The following ERC1 variants were observed in gnomAD, a reference collection of about 807,000 sequenced individuals.
ERC1 encodes RAB6 interacting protein 2.
A neutral mutation model predicts 132.0 loss-of-function variants in ERC1; 56 were observed. That is an observed-to-expected ratio of 0.42 (90% CI 0.34 to 0.53). The LOEUF is 0.53. ERC1 is among the 20% of genes least tolerant of loss of function. ERC1 has a pLI of 0.03. For missense variants in ERC1, 1,202 were observed against 1,349.9 expected (o/e 0.89, Z 1.72); for synonymous variants, 478 against 476.1 (o/e 1.00, Z -0.05).
At chr12:1,196,820 CTCTCTCTCTCTG>C (rs1421594771) in intron 12 of ERC1, among the ~76,000 whole-genome samples, 1 of 121,616 alleles carries the variant, frequency 8.2e-6, no homozygotes, top group Admixed American at 8.1e-5. Context: ...CTCTCTCTCT[CTCTCTCTCTCTG>C]TCTGTCTCTC....
chr12:1,458,114 C>T (rs1384252759), intron 18 of ERC1, among the ~76,000 whole-genome samples: 1 of 152,112 alleles, frequency 6.6e-6, no homozygotes, highest in Non-Finnish European at 1.5e-5. Flanking sequence ...TTTGGCAGGA[C>T]CATGGATTCT....
intron 1 of ERC1, among the ~76,000 whole-genome samples, chr12:1,015,046 G>A (rs1338903074): frequency 6.7e-6 from 1 of 149,688 alleles, no homozygotes; most frequent in Non-Finnish European, 1.5e-5. Flanking sequence ...TTACAGGCAT[G>A]ACCTACTGTG....
At position 1,408,159 on chromosome 12, in the gene ERC1, G is replaced by A. The variant is rs770065742; in HGVS notation, c.2936G>A (p.Arg979Gln). The A allele has an allele frequency of 4.3e-6, 7 of 1,613,276 alleles. No homozygotes were observed. The highest frequency in any genetic ancestry group is 1.1e-5 in the South Asian group (1 of 91,022). The change falls in exon 17 of 19, where the codon CGA becomes CAA. Residue 979 changes from arginine (R) to glutamine (Q), a missense_variant. Arg to Gln is a conservative substitution (Grantham distance 43). Coordinates refer to ENST00000360905, the MANE Select transcript of ERC1 (RefSeq NM_178040.4). ...VQQLKQQTQN[R>Q]MKLMADNYED... is the part of the protein sequence containing the mutation. Reference sequence around the variant, plus strand: ...ATAATTTCTTCCTAGACGCAAAATCGAATGAAGCTAATGGCCGACAACTAC... The same window carrying A: ...ATAATTTCTTCCTAGACGCAAAATCAAATGAAGCTAATGGCCGACAACTAC...
intron 11 of ERC1, among the ~76,000 whole-genome samples, chr12:1,187,936 A>G (rs1955291047): frequency 6.6e-6 from 1 of 152,164 alleles, no homozygotes; most frequent in Non-Finnish European, 1.5e-5. Flanking sequence ...GGTCAAGGTC[A>G]TGGAGAACCT....
intron 2 of ERC1, among the ~76,000 whole-genome samples, chr12:1,082,263 T>A (rs1394775703): frequency 6.6e-6 from 1 of 151,812 alleles, no homozygotes; most frequent in East Asian, 2.0e-4. Context: ...CCTGACCTCG[T>A]GATGTGCCCG....
intron 16 of ERC1, among the ~76,000 whole-genome samples, chr12:1,394,015 C>CAAAAAAAAAAAAAAA (rs1216337061): frequency 3.0e-4 from 8 of 26,904 alleles, no homozygotes; most frequent in African/African-American, 5.3e-4. Context: ...GACTCCGTCT[C>CAAAAAAAAAAAAAAA]AAAAAAAAAA....
chr12:1,004,641 G>A (rs369129048), intron 1 of ERC1, among the ~76,000 whole-genome samples: 1 of 151,448 alleles, frequency 6.6e-6, no homozygotes, highest in East Asian at 1.9e-4. Flanking sequence ...TCCTGACCTT[G>A]TGATCCAACC....
chr12:1,264,628 C>T (rs2077363728), intron 14 of ERC1, among the ~76,000 whole-genome samples: 1 of 151,948 alleles, frequency 6.6e-6, no homozygotes, highest in African/African-American at 2.4e-5. Context: ...CGCACCACTG[C>T]ACTCCAGCCT....
At chr12:1,421,221 C>G (rs1371748947) in intron 17 of ERC1, among the ~76,000 whole-genome samples, 3 of 152,214 alleles carry the variant, frequency 2.0e-5, no homozygotes, top group Non-Finnish European at 2.9e-5. Flanking sequence ...TTCCTCCCAT[C>G]TACCTGTGCT....
chr12:1,229,445 A>G (rs960560499), intron 12 of ERC1, among the ~76,000 whole-genome samples: 6 of 152,160 alleles, frequency 3.9e-5, no homozygotes, highest in African/African-American at 1.4e-4. Context: ...ATGAACTATG[A>G]TGGTGTCACT....
intron 12 of ERC1, among the ~76,000 whole-genome samples, chr12:1,222,165 A>G (rs1395130660): frequency 3.9e-5 from 6 of 152,008 alleles, no homozygotes; most frequent in East Asian, 3.9e-4. Context: ...GATGCAGTCT[A>G]TTATTGACCA....
Position 998,802 on chromosome 12 carries a change from C to A in ERC1, c.-157+7480C>A, listed in dbSNP as rs1414820763. Among the ~76,000 whole-genome samples the A allele has an allele frequency of 2.6e-5, 4 of 151,176 alleles. No homozygotes were observed. The East Asian group carries it at 5.8e-4, about 22-fold the overall frequency. ...AAGCTCTCTCTTCTCTTGAGGTCTT[C>A]AGAGCACTTTTCTGTTTTTCTTGCT... On this transcript the variant is annotated intron_variant, in intron 1 of 18. Coordinates refer to ENST00000360905, the MANE Select transcript of ERC1 (RefSeq NM_178040.4).
chr12:1,379,708 G>A (rs1458825166), intron 16 of ERC1, among the ~76,000 whole-genome samples: 2 of 151,914 alleles, frequency 1.3e-5, no homozygotes, highest in Admixed American at 1.3e-4. Flanking sequence ...GGGTTACTTA[G>A]GACACGAGAG....
At chr12:1,147,166 T>A (rs1037208971) in intron 8 of ERC1, among the ~76,000 whole-genome samples, 19 of 152,310 alleles carry the variant, frequency 1.2e-4, no homozygotes, top group African/African-American at 4.1e-4. Flanking sequence ...GTCTGTTGAA[T>A]AGAAGTGGTG....
intron 12 of ERC1, among the ~76,000 whole-genome samples, chr12:1,202,752 T>G (rs931343680): frequency 1.3e-5 from 2 of 152,156 alleles, no homozygotes; most frequent in Admixed American, 6.6e-5. Context: ...TTAAAGTTGC[T>G]CTCTGGCAGG....
At chr12:1,255,829 C>T (rs1419197909) in intron 13 of ERC1, among the ~76,000 whole-genome samples, 8 of 150,800 alleles carry the variant, frequency 5.3e-5, no homozygotes, top group African/African-American at 1.2e-4. Flanking sequence ...TTAGTAGAGA[C>T]GGGGTTTCAC....
At chr12:1,166,128 G>A (rs567662765) in intron 8 of ERC1, among the ~76,000 whole-genome samples, 1 of 152,270 alleles carries the variant, frequency 6.6e-6, no homozygotes, top group East Asian at 1.9e-4. Context: ...AAATGATGTG[G>A]TTTGGCTGTG....
At chr12:1,064,056 T>G (rs1004659665) in intron 2 of ERC1, among the ~76,000 whole-genome samples, 5 of 152,152 alleles carry the variant, frequency 3.3e-5, no homozygotes, top group African/African-American at 1.2e-4. Flanking sequence ...GGTATAGTAT[T>G]CTTGGCTAAC....
chr12:1,284,083 TA>T (rs2078876578), intron 14 of ERC1, among the ~76,000 whole-genome samples: 1 of 152,294 alleles, frequency 6.6e-6, no homozygotes, highest in African/African-American at 2.4e-5. Context: ...CAGCCTCTGG[TA>T]ACCACCATTC....
Sources: gnomAD v4.1 joint callset for allele counts (sites outside exome capture counted in the v4.1 genomes callset) on GRCh38, gnomAD v4.1.1 for gene constraint, MANE v1.5 for transcripts, NCBI Gene and HGNC (gene_info 2026-07-23, HGNC 2026-07-21) for gene names.